GLRB: variants seen among roughly 807,000 people sequenced by gnomAD.
The protein encoded by GLRB is glycine receptor subunit beta.
A neutral mutation model predicts 54.2 loss-of-function variants in GLRB; 33 were observed. That is an observed-to-expected ratio of 0.61 (90% confidence interval 0.46 to 0.81). The LOEUF is 0.81. GLRB is among the 40% of genes least tolerant of loss of function. The probability of loss-of-function intolerance (pLI) is 0.00; values close to 1 mark genes in which losing one functional copy is unlikely to be tolerated. For missense variants in GLRB, 572 were observed against 584.6 expected, an observed-to-expected ratio of 0.98 and a Z score of 0.22; for synonymous variants, 209 against 208.2, an observed-to-expected ratio of 1.00 and a Z score of -0.03.
intron 9 of GLRB, among the ~76,000 whole-genome samples, chr4:157,157,698 C>T (rs1284806240): frequency 2.0e-5 from 3 of 152,264 alleles, no homozygotes; most frequent in South Asian, 4.1e-4. Flanking sequence ...CATAGTATTC[C>T]ATGGTGTATG....
At chr4:157,103,770 G>A (rs149150174) in intron 2 of GLRB, among the ~76,000 whole-genome samples, 15 of 152,000 alleles carry the variant, frequency 9.9e-5, no homozygotes, top group African/African-American at 3.6e-4. Context: ...CTTAGTTAAG[G>A]TTATTCCTAA....
chr4:157,152,405 G>A (rs947233695), intron 8 of GLRB, among the ~76,000 whole-genome samples: 7 of 152,056 alleles, frequency 4.6e-5, no homozygotes, highest in African/African-American at 1.7e-4. Flanking sequence ...GGCTTCCTCA[G>A]AGATACTATA....
chr4:157,092,380 A>G (rs1281119861), intron 2 of GLRB, among the ~76,000 whole-genome samples: 1 of 152,226 alleles, frequency 6.6e-6, no homozygotes, highest in Non-Finnish European at 1.5e-5. Flanking sequence ...TTGGAATTAT[A>G]TGTAAAATTA....
At position 157,136,623 on chromosome 4, in the gene GLRB, C is replaced by G; in HGVS notation, c.452C>G (p.Ala151Gly). Residue 151 changes from alanine (A) to glycine (G), a missense_variant, in exon 5 of 10, where the codon GCC (alanine) becomes GGC (glycine). Ala to Gly is a moderately conservative substitution (Grantham distance 60). Transcript: ENST00000264428. Reference sequence around the variant, plus strand: ...TTATTTTTTGCAAATGAAAAAAGTGCCAATTTTCATGATGTGACCCAGGAA... The same window carrying G: ...TTATTTTTTGCAAATGAAAAAAGTGGCAATTTTCATGATGTGACCCAGGAA... ...PDLFFANEKSANFHDVTQENI... is the reference protein window; with the variant it reads ...PDLFFANEKSGNFHDVTQENI... 1 of 1,612,780 alleles carries G rather than the reference C, an allele frequency of 6.2e-7. No homozygotes were observed. Among genetic ancestry groups the G allele is most frequent in the African/African-American group, 1.3e-5 (1 of 74,966 alleles).
chr4:157,111,177 A>G (rs1341244231), intron 2 of GLRB, among the ~76,000 whole-genome samples: 1 of 151,990 alleles, frequency 6.6e-6, no homozygotes, highest in East Asian at 1.9e-4. Flanking sequence ...CACCAGAAAA[A>G]GTTGGGATGG....
chr4:157,139,770 T>C (rs888959242), intron 7 of GLRB, among the ~76,000 whole-genome samples: 1 of 151,942 alleles, frequency 6.6e-6, no homozygotes, highest in African/African-American at 2.4e-5. Context: ...AAGTAAATCA[T>C]AACAAAAATA....
At chr4:157,170,139 C>A (rs1196098506) in intron 9 of GLRB, among the ~76,000 whole-genome samples, 2 of 152,074 alleles carry the variant, frequency 1.3e-5, no homozygotes, top group African/African-American at 4.8e-5. Context: ...CAACTGAGAA[C>A]TTTCACAAGC....
intron 4 of GLRB, among the ~76,000 whole-genome samples, chr4:157,135,161 C>G (rs947685916): frequency 1.5e-4 from 23 of 152,050 alleles, no homozygotes; most frequent in Non-Finnish European, 4.4e-5. Context: ...AGGGTCACAG[C>G]TTTAACAACA....
intron 4 of GLRB, among the ~76,000 whole-genome samples, chr4:157,130,753 G>T (rs898937951): frequency 6.6e-6 from 1 of 151,460 alleles, no homozygotes; most frequent in Admixed American, 6.6e-5. Flanking sequence ...TCAATTTTTG[G>T]GGGTATATAC....
At chr4:157,143,764 G>A (rs1184776639) in intron 7 of GLRB, 43 bp from the exon 8 acceptor site, 1 of 1,586,944 alleles carries the variant, frequency 6.3e-7, no homozygotes, top group African/African-American at 1.3e-5. Flanking sequence ...GCCATTCTGT[G>A]TGGGTGAAAA....
chr4:157,093,278 A>C (rs539120201), intron 2 of GLRB, among the ~76,000 whole-genome samples: 1 of 152,316 alleles, frequency 6.6e-6, no homozygotes, highest in Non-Finnish European at 1.5e-5. Context: ...TTAATAGTAT[A>C]TAATTTGGAT....
chr4:157,127,055 C>G (rs1736040825), intron 4 of GLRB, among the ~76,000 whole-genome samples: 2 of 151,550 alleles, frequency 1.3e-5, no homozygotes, highest in Admixed American at 1.3e-4. Flanking sequence ...CTGTGACTGT[C>G]AAGAAAAAAA....
chr4:157,109,560 G>T (rs1382103652), intron 2 of GLRB, among the ~76,000 whole-genome samples: 1 of 151,892 alleles, frequency 6.6e-6, no homozygotes, highest in East Asian at 1.9e-4. Context: ...CCAATTGTTT[G>T]TCCTATAATT....
At chr4:157,114,196 C>T (rs915108942) in intron 2 of GLRB, among the ~76,000 whole-genome samples, 1 of 151,484 alleles carries the variant, frequency 6.6e-6, no homozygotes, top group Non-Finnish European at 1.5e-5. Flanking sequence ...TTTCATAAGC[C>T]CCAGCCTTAA....
chr4:157,140,798 C>CT (rs766425865), intron 7 of GLRB, among the ~76,000 whole-genome samples: 1 of 151,802 alleles, frequency 6.6e-6, no homozygotes, highest in Non-Finnish European at 1.5e-5. Flanking sequence ...AGAGTAGTGT[C>CT]TAAATTGTTT....
intron 2 of GLRB, among the ~76,000 whole-genome samples, chr4:157,085,422 T>C (rs1042223577): frequency 1.3e-5 from 2 of 152,140 alleles, no homozygotes; most frequent in African/African-American, 2.4e-5. Flanking sequence ...ATTTTTAACG[T>C]ATGTGTTACT....
chr4:157,115,251 GTT>G (rs34188430), intron 2 of GLRB, among the ~76,000 whole-genome samples: 49 of 112,452 alleles, frequency 4.4e-4, no homozygotes, highest in African/African-American at 1.3e-3. Flanking sequence ...CCATTATGGT[GTT>G]TTTTTTTTTT....
intron 9 of GLRB, among the ~76,000 whole-genome samples, chr4:157,154,964 C>T (rs1038021053): frequency 2.0e-5 from 3 of 152,126 alleles, no homozygotes; most frequent in Non-Finnish European, 4.4e-5. Context: ...GTCTTAAATA[C>T]TTCTGCATAC....
intron 2 of GLRB, among the ~76,000 whole-genome samples, chr4:157,093,613 G>T (rs1327625424): frequency 1.3e-5 from 2 of 151,950 alleles, no homozygotes; most frequent in African/African-American, 4.8e-5. Context: ...AAATCAGCTA[G>T]GCGTGGTGGC....
Sources: gnomAD v4.1 joint callset for allele counts (sites outside exome capture counted in the v4.1 genomes callset) on GRCh38, gnomAD v4.1.1 for gene constraint, MANE v1.5 for transcripts, NCBI Gene and HGNC (gene_info 2026-07-23, HGNC 2026-07-21) for gene names.